The following TRPA1 variants were observed in gnomAD, a reference collection of about 807,000 sequenced individuals.
TRPA1 encodes ankyrin-like with transmembrane domains 1.
A neutral mutation model predicts 131.3 loss-of-function variants in TRPA1; 129 were observed. The ratio of observed to expected loss-of-function variants is 0.98; its 90% CI spans 0.85 to 1.14. TRPA1 has a LOEUF of 1.14. TRPA1 is among the 50% of genes most tolerant of loss of function. The pLI is 0.00. For missense variants in TRPA1, 1,304 were observed against 1,354.2 expected, an observed-to-expected ratio of 0.96 and a Z score of 0.58; for synonymous variants, 441 against 451.7, an observed-to-expected ratio of 0.98 and a Z score of 0.30.
chr8:72,084,367 A>G, the TRPA1 span, among the ~76,000 whole-genome samples: 4 of 143,076 alleles, frequency 2.8e-5, no homozygotes, highest in Middle Eastern at 3.2e-3. Context: ...TCTTCCCTAT[A>G]TCTGTTCCCA....
Position 72,053,521 on chromosome 8 carries a change from C to T in TRPA1, c.1644+232G>A, listed in dbSNP as rs74716971. The T allele has an allele frequency of 2.3e-3, 1,245 of 548,936 alleles. 18 individuals are homozygous for T. The highest frequency in any genetic ancestry group is 0.02 in the African/African-American group (1,055 of 53,130). 34.0% of individuals were successfully genotyped at this position (548,936 alleles called of 1,614,324 possible). A position where few individuals can be genotyped will look rare whatever the true frequency, so the allele number is the denominator to read the frequency against. On this transcript the variant is annotated intron_variant, in intron 13 of 26. Coordinates refer to ENST00000262209, the MANE Select transcript of TRPA1 (RefSeq NM_007332.3). The stretch of plus-strand genomic sequence containing the variant: ...TCAAATTTCATTGGCCTGTGGACCT[C>T]GCTGCTCTGTGAGACTGGAGGTTTC...
intron 11 of TRPA1, 36 bp from the exon 12 acceptor site, chr8:72,055,636 A>T: frequency 6.2e-7 from 1 of 1,613,616 alleles, no homozygotes; most frequent in Non-Finnish European, 8.5e-7. Context: ...TTCAAGGCAA[A>T]TATTAAACAG....
At chr8:72,053,034 AGAGAGAGAGAAT>A in intron 13 of TRPA1, 1 of 385,890 alleles carries the variant, frequency 2.6e-6, no homozygotes, top group Non-Finnish European at 4.8e-6. Flanking sequence ...AGAGAGAGAG[AGAGAGAGAGAAT>A]GAATTCCAAG....
chr8:72,040,007 A>T (rs749197352), intron 17 of TRPA1, among the ~76,000 whole-genome samples: 4 of 152,140 alleles, frequency 2.6e-5, no homozygotes, highest in Non-Finnish European at 5.9e-5. Flanking sequence ...TGTTTGATTC[A>T]GTCTGTTTCT....
chr8:72,069,325 CT>C, intron 2 of TRPA1, 127 bp from the exon 3 acceptor site: 6 of 924,814 alleles, frequency 6.5e-6, no homozygotes, highest in Admixed American at 2.0e-5. Context: ...TTTATGGAAA[CT>C]AAAAACACAG....
At chr8:72,066,663 T>G (rs1805938288) in intron 3 of TRPA1, among the ~76,000 whole-genome samples, 1 of 152,212 alleles carries the variant, frequency 6.6e-6, no homozygotes, top group Non-Finnish European at 1.5e-5. Flanking sequence ...ATAAGATTCC[T>G]TCCATGGACT....
Position 72,046,521 on chromosome 8 carries a change from C to A in TRPA1, c.2053G>T (p.Ala685Ser), listed in dbSNP as rs752662414. 16 of 1,571,092 alleles carry A rather than the reference C, an allele frequency of 1.0e-5. No individual in the cohort carries two copies. The highest frequency in any genetic ancestry group is 1.7e-4 in the Middle Eastern group (1 of 5,930). Residue 685 changes from alanine to serine, a missense_variant, in exon 17 of 27, where the codon GCC becomes TCC. Ala to Ser is a moderately conservative substitution (Grantham distance 99). Coordinates refer to ENST00000262209, the MANE Select transcript of TRPA1 (RefSeq NM_007332.3). The stretch of plus-strand genomic sequence containing the variant: ...GAAAACATTGAACTTACGTTGAGGG[C>A]TGTAAGCGGTTCATATATAACATCC... ...TQDVIYEPLTALNAMVQNNRI... is the reference protein window; with the variant it reads ...TQDVIYEPLTSLNAMVQNNRI...
Position 72,075,578 on chromosome 8 carries a change from C to T in TRPA1, c.-169G>A. 1.6e-6 allele frequency: 1 copy of T among 643,712 alleles called. No individual in the cohort carries two copies. Among genetic ancestry groups the T allele is most frequent in the Non-Finnish European group, 2.8e-6 (1 of 361,662 alleles). 39.9% of individuals were successfully genotyped at this position (643,712 alleles called of 1,614,324 possible). The stretch of plus-strand genomic sequence containing the variant: ...GTCGCTCTGCGGAAGCCCTGGAGAA[C>T]TTCTGGAAGGAGTTCTCAGGCCCGC... On this transcript the variant is annotated 5_prime_UTR_variant, in exon 1 of 27. Transcript: ENST00000262209.
chr8:72,023,132 C>G lies in TRPA1; in HGVS notation c.3150-16G>C. 6.2e-7 allele frequency: 1 copy of G among 1,609,082 alleles called. No homozygotes were observed. Among genetic ancestry groups the G allele is most frequent in the Non-Finnish European group, 8.5e-7 (1 of 1,177,552 alleles). ...ATCCTTCAGCCTAAAAGGACATACA[C>G]ATTTCATGAATTTATTTTCAGTTCT... is the stretch of plus-strand genomic sequence containing the variant. On this transcript the variant is annotated splice_polypyrimidine_tract_variant and intron_variant, in intron 26 of 26. Coordinates refer to ENST00000262209, the MANE Select transcript of TRPA1 (RefSeq NM_007332.3).
At chr8:72,057,986 T>C (rs1363619802) in intron 8 of TRPA1, among the ~76,000 whole-genome samples, 170 bp from the exon 9 acceptor site, 1 of 152,204 alleles carries the variant, frequency 6.6e-6, no homozygotes, top group Non-Finnish European at 1.5e-5. Context: ...AGTTCATATG[T>C]TGTATCATCA....
intron 15 of TRPA1, among the ~76,000 whole-genome samples, chr8:72,048,679 G>T (rs1027519765): frequency 3.9e-5 from 6 of 152,078 alleles, no homozygotes; most frequent in Non-Finnish European, 8.8e-5. Context: ...TATTTCAAAT[G>T]CATTATGTCC....
chr8:72,073,278 C>T (rs72659689), intron 1 of TRPA1, among the ~76,000 whole-genome samples: 19,645 of 152,214 alleles, frequency 0.13, 1,451 homozygotes, highest in Middle Eastern at 0.31. Flanking sequence ...AAATGCTAAA[C>T]TATTCACTAT....
At chr8:72,028,263 C>T (rs1253974697) in intron 24 of TRPA1, among the ~76,000 whole-genome samples, 2 of 152,232 alleles carry the variant, frequency 1.3e-5, no homozygotes, top group African/African-American at 4.8e-5. Flanking sequence ...TGAAGCACTT[C>T]ATCATTTAGT....
intron 4 of TRPA1, 119 bp downstream of exon 4, chr8:72,065,332 G>C: frequency 2.1e-6 from 2 of 972,910 alleles, no homozygotes; most frequent in Non-Finnish European, 1.5e-6. Flanking sequence ...TCCTGACCTA[G>C]TTTTTGTATT....
upstream of TRPA1, among the ~76,000 whole-genome samples, chr8:72,080,358 T>C (rs1259487909): frequency 1.3e-5 from 2 of 151,498 alleles, no homozygotes; most frequent in Non-Finnish European, 1.5e-5. Flanking sequence ...TTTTGTCTGA[T>C]ACTGTCTCTA....
chr8:72,041,597 TC>T (rs1379882072), intron 17 of TRPA1, among the ~76,000 whole-genome samples: 1 of 151,820 alleles, frequency 6.6e-6, no homozygotes, highest in African/African-American at 2.4e-5. Flanking sequence ...GCTTAACAAC[TC>T]ACTCTTAAAC....
chr8:72,046,755 A>G, intron 16 of TRPA1, 147 bp from the exon 17 acceptor site: 2 of 565,388 alleles, frequency 3.5e-6, no homozygotes, highest in Non-Finnish European at 6.2e-6. Flanking sequence ...TTTCAAGTGG[A>G]GAAAGGAAAT....
At chr8:72,036,220 G>A in intron 21 of TRPA1, 68 bp downstream of exon 21, 1 of 1,526,798 alleles carries the variant, frequency 6.5e-7, no homozygotes, top group Non-Finnish European at 9.0e-7. Flanking sequence ...TTTACACCAG[G>A]TACAATAGTT....
chr8:72,031,628 C>A (rs1415914310), intron 23 of TRPA1, among the ~76,000 whole-genome samples: 3 of 150,982 alleles, frequency 2.0e-5, no homozygotes, highest in Non-Finnish European at 3.0e-5. Context: ...AACAAACAAA[C>A]AACAAAAACT....
Sources: allele counts gnomAD v4.1 joint callset (sites outside exome capture counted in the v4.1 genomes callset), GRCh38; gene constraint gnomAD v4.1.1; transcripts MANE v1.5; gene names NCBI Gene and HGNC (gene_info 2026-07-23, HGNC 2026-07-21).